CHRDL2: variants seen among roughly 807,000 people sequenced by gnomAD.
The protein encoded by CHRDL2 is chordin-like protein 2.
CHRDL2 carries 41 observed loss-of-function variants against 54.3 expected under a neutral mutation model. That is an observed-to-expected ratio of 0.76 (90% CI 0.59 to 0.98). The LOEUF is 0.98. CHRDL2 is among the 50% of genes least tolerant of loss of function. The probability of loss-of-function intolerance (pLI) is 0.00; values close to 1 mark genes in which losing one functional copy is unlikely to be tolerated. For missense variants in CHRDL2, 518 were observed against 562.4 expected (o/e 0.92, Z 0.80); for synonymous variants, 220 against 224.3 (o/e 0.98, Z 0.17).
rs2135222389 is a variant in CHRDL2, at chr11:74,697,191, G to C, written c.1213+14C>G. On this transcript the variant is annotated intron_variant, in intron 10 of 10. Transcript: ENST00000376332. ...CTTCCTGCCCCGGCCCCATTCCTCA[G>C]CCCAAGCTCCTACCTTCGTGGGGGC... is the stretch of plus-strand genomic sequence containing the variant. The C allele has an allele frequency of 6.2e-7, 1 of 1,607,768 alleles. No homozygotes were observed. The highest frequency in any genetic ancestry group is 8.5e-7 in the Non-Finnish European group (1 of 1,175,206).
At chr11:74,730,778 CT>C in intron 1 of CHRDL2, 28 bp downstream of exon 1, 1 of 1,583,810 alleles carries the variant, frequency 6.3e-7, no homozygotes, top group South Asian at 1.2e-5. Context: ...CATCCCTCCT[CT>C]GCCCACCCAG....
At chr11:74,697,086 C>G in intron 10 of CHRDL2, 119 bp downstream of exon 10, 1 of 714,984 alleles carries the variant, frequency 1.4e-6, no homozygotes, top group South Asian at 1.6e-5. Context: ...TGGGAACTGA[C>G]GTCTGTGGCT....
chr11:74,707,712 G>C (rs974603965), intron 5 of CHRDL2, among the ~76,000 whole-genome samples: 39 of 151,904 alleles, frequency 2.6e-4, no homozygotes, highest in South Asian at 2.1e-4. Context: ...CCCTGCACGG[G>C]CTCCCCAACA....
chr11:74,730,442 C>A (rs1203360934), intron 1 of CHRDL2, among the ~76,000 whole-genome samples: 2 of 152,184 alleles, frequency 1.3e-5, no homozygotes, highest in Admixed American at 1.3e-4. Flanking sequence ...TGTCCAATGG[C>A]TCTTTCCAAA....
chr11:74,697,065 G>T, intron 10 of CHRDL2, 140 bp downstream of exon 10: 1 of 641,014 alleles, frequency 1.6e-6, no homozygotes, highest in Non-Finnish European at 2.8e-6. Flanking sequence ...ACACCCGCTG[G>T]ATTCCTGTGC....
At chr11:74,709,797 T>C (rs544372880) in intron 4 of CHRDL2, among the ~76,000 whole-genome samples, 31 of 152,282 alleles carry the variant, frequency 2.0e-4, no homozygotes, top group African/African-American at 7.0e-4. Context: ...AATGATCACT[T>C]GGTCAGACTC....
chr11:74,719,276 A>C, intron 1 of CHRDL2: 1 of 159,546 alleles, frequency 6.3e-6, no homozygotes, highest in Non-Finnish European at 1.4e-5. Context: ...TGCCCTCACA[A>C]TCATGCTTGT....
At chr11:74,718,367 C>G (rs111268481) in intron 2 of CHRDL2, among the ~76,000 whole-genome samples, 35 of 152,026 alleles carry the variant, frequency 2.3e-4, no homozygotes, top group African/African-American at 8.4e-4. Flanking sequence ...GGAAATAGTA[C>G]GTGAAAAGAA....
intron 1 of CHRDL2, chr11:74,719,085 G>A (rs2034440907): frequency 2.2e-6 from 1 of 446,476 alleles, no homozygotes; most frequent in Non-Finnish European, 4.0e-6. Context: ...TTATCTCACA[G>A]GGCAGTTAGG....
In CHRDL2 at chr11:74,731,143, T is replaced by G; in HGVS notation, c.-255A>C. ...GGAGAGATGGAGAGACGAAGGAAGG[T>G]CCAGCAGAAGGGAGAGGCGATCAAA... On this transcript the variant is annotated 5_prime_UTR_variant, in exon 1 of 11. Transcript: ENST00000376332. This position sits in a 1 kb window ranked among gnomAD's most constrained non-coding sequence, Gnocchi z 4.4. 2.0e-6 allele frequency: 1 copy of G among 501,502 alleles called. No homozygotes were observed. The highest frequency in any genetic ancestry group is 3.6e-6 in the Non-Finnish European group (1 of 280,840). 31.1% of individuals were successfully genotyped at this position (501,502 alleles called of 1,614,324 possible). A position where few individuals can be genotyped will look rare whatever the true frequency, so the allele number is the denominator to read the frequency against.
chr11:74,729,471 C>T (rs746161809), intron 1 of CHRDL2, among the ~76,000 whole-genome samples: 69 of 152,146 alleles, frequency 4.5e-4, no homozygotes, highest in African/African-American at 1.4e-3. Context: ...CTAAGGGGCA[C>T]GGCCAGGATT....
chr11:74,703,276 C>A (rs944522986), intron 8 of CHRDL2, 29 bp downstream of exon 8: 4 of 1,563,518 alleles, frequency 2.6e-6, no homozygotes, highest in Middle Eastern at 2.1e-4. Flanking sequence ...CTGGCCAGCG[C>A]CCTCCTTGCT....
rs536534896 is a variant in CHRDL2, at chr11:74,731,090, A to G, written c.-202T>C. ...GAGGTCTAAGGTGGGAAGAAGAGAA[A>G]GGTGGAAAGAGAACGCGGGGAAAGG... On this transcript the variant is annotated 5_prime_UTR_variant, in exon 1 of 11. Transcript: ENST00000376332. The surrounding 1 kb of genome is among the most constrained non-coding windows in gnomAD (Gnocchi z 4.4). The G allele has an allele frequency of 1.9e-4, 112 of 578,744 alleles. No homozygotes were observed. The highest frequency in any genetic ancestry group is 1.9e-3 in the African/African-American group (99 of 53,096). 35.9% of individuals were successfully genotyped at this position (578,744 alleles called of 1,614,324 possible). A position where few individuals can be genotyped will look rare whatever the true frequency, so the allele number is the denominator to read the frequency against.
rs193232264 is a variant in CHRDL2, at chr11:74,711,074, A to G, written c.290-83T>C. The G allele has an allele frequency of 9.2e-3, 13,372 of 1,453,470 alleles. 125 individuals carry two copies. The highest frequency in any genetic ancestry group is 0.044 in the Middle Eastern group (244 of 5,552). The allele number at this position is 1,453,470 out of a possible 1,614,324, so 90.0% of individuals were successfully genotyped here. A position where few individuals can be genotyped will look rare whatever the true frequency, so the allele number is the denominator to read the frequency against. On this transcript the variant is annotated intron_variant, in intron 3 of 10. Coordinates refer to ENST00000376332, the MANE Select transcript of CHRDL2 (RefSeq NM_001278473.3). ...TGAAATTAACAAGGCCACTTTTCTG[A>G]TGATTTTGCATTTGACCCCAGCTTG... is the stretch of plus-strand genomic sequence containing the variant.
At chr11:74,725,104 C>T (rs922300876) in intron 1 of CHRDL2, among the ~76,000 whole-genome samples, 1 of 152,162 alleles carries the variant, frequency 6.6e-6, no homozygotes, top group African/African-American at 2.4e-5. Context: ...AGCGATTCTC[C>T]TGCCTCAGCC....
chr11:74,708,488 T>A (rs2034086679), intron 4 of CHRDL2, 93 bp from the exon 5 acceptor site: 8 of 925,914 alleles, frequency 8.6e-6, no homozygotes, highest in Non-Finnish European at 1.1e-5. Context: ...GCAAATGGCC[T>A]TGAGGTCTCT....
rs912235536 is a variant in CHRDL2, at chr11:74,697,403, C to G, written c.1121-106G>C. ...GAACGGACCCAATCACTCCCTCCCC[C>G]ACCCCATTCTGATCAGACACAAAAT... On this transcript the variant is annotated intron_variant, in intron 9 of 10. Transcript: ENST00000376332. 7 of 745,208 alleles carry G rather than the reference C, an allele frequency of 9.4e-6. No homozygotes were observed. In the Admixed American group the frequency reaches 9.7e-5, roughly 10 times the overall value. 46.2% of individuals were successfully genotyped at this position (745,208 alleles called of 1,614,324 possible). A position where few individuals can be genotyped will look rare whatever the true frequency, so the allele number is the denominator to read the frequency against.
Position 74,731,062 on chromosome 11 carries a change from A to G in CHRDL2, c.-174T>C, listed in dbSNP as rs375444447. On this transcript the variant is annotated 5_prime_UTR_variant, in exon 1 of 11. Transcript: ENST00000376332. This position sits in a 1 kb window ranked among gnomAD's most constrained non-coding sequence, Gnocchi z 4.4. The stretch of plus-strand genomic sequence containing the variant: ...CGGTGGGCAGGAAAGGAGGGCAGGA[A>G]GGGAGGTCTAAGGTGGGAAGAAGAG... 2 of 603,130 alleles carry G rather than the reference A, an allele frequency of 3.3e-6. No homozygotes were observed. Among genetic ancestry groups the G allele is most frequent in the East Asian group, 5.6e-5 (2 of 35,726 alleles). 37.4% of individuals were successfully genotyped at this position (603,130 alleles called of 1,614,324 possible).
chr11:74,713,570 G>C (rs369155776), intron 2 of CHRDL2, 91 bp from the exon 3 acceptor site: 301 of 989,620 alleles, frequency 3.0e-4, no homozygotes, highest in Non-Finnish European at 2.4e-4. Context: ...CCCAACTGCA[G>C]AAGTCTGAAC....
Sources: gnomAD v4.1 joint callset for allele counts (sites outside exome capture counted in the v4.1 genomes callset) on GRCh38, gnomAD v4.1.1 for gene constraint, Gnocchi (gnomAD v3.1) non-coding constraint, MANE v1.5 for transcripts, NCBI Gene and HGNC (gene_info 2026-07-23, HGNC 2026-07-21) for gene names.